The following DOCK3 variants were observed in gnomAD, a reference collection of about 807,000 sequenced individuals.
DOCK3 encodes dedicator of cytokinesis 3, also known as dedicator of cytokinesis protein 3.
Under a neutral mutation model 265.6 loss-of-function variants are expected in DOCK3, and 60 were observed. The observed-to-expected ratio is 0.23, with a 90% confidence interval of 0.18 to 0.28. DOCK3 has a LOEUF of 0.28. Among genes scored for constraint, DOCK3 ranks in the 10% least tolerant of loss-of-function variants. The probability of loss-of-function intolerance (pLI) is 1.00; values close to 1 mark genes in which losing one functional copy is unlikely to be tolerated. For missense variants in DOCK3, 1,981 were observed against 2,594.3 expected (o/e 0.76, Z 5.14); for synonymous variants, 881 against 938.0 (o/e 0.94, Z 1.11).
intron 10 of DOCK3, among the ~76,000 whole-genome samples, chr3:51,146,950 G>C (rs368924195): frequency 3.9e-5 from 6 of 152,102 alleles, no homozygotes; most frequent in African/African-American, 1.4e-4. Flanking sequence ...CCAATCTGTA[G>C]AAACAATTCA....
At chr3:51,039,482 A>G (rs2080396702) in intron 5 of DOCK3, among the ~76,000 whole-genome samples, 1 of 152,064 alleles carries the variant, frequency 6.6e-6, no homozygotes, top group South Asian at 2.1e-4. Flanking sequence ...TCACTCTCCA[A>G]ATTACTGGCT....
intron 1 of DOCK3, among the ~76,000 whole-genome samples, chr3:50,775,670 T>C (rs2041550339): frequency 6.6e-6 from 1 of 152,082 alleles, no homozygotes; most frequent in African/African-American, 2.4e-5. Flanking sequence ...TGATGAAATG[T>C]GAGATTTTAG....
intron 2 of DOCK3, among the ~76,000 whole-genome samples, chr3:50,782,294 T>TTTA (rs1315704861): frequency 3.7e-5 from 5 of 135,632 alleles, no homozygotes; most frequent in Non-Finnish European, 7.9e-5. Context: ...CTGTTATTTT[T>TTTA]TTTTTTTTTT....
At chr3:50,987,549 G>T (rs551318477) in intron 5 of DOCK3, among the ~76,000 whole-genome samples, 1 of 152,170 alleles carries the variant, frequency 6.6e-6, no homozygotes, top group Admixed American at 6.5e-5. Context: ...GGTGGGGGGA[G>T]TGGCCAAGAT....
chr3:50,769,532 C>T (rs987562824), intron 1 of DOCK3, among the ~76,000 whole-genome samples: 5 of 152,014 alleles, frequency 3.3e-5, no homozygotes, highest in African/African-American at 4.8e-5. Context: ...AAGTCTTGGT[C>T]GAGCATGGTG....
intron 9 of DOCK3, among the ~76,000 whole-genome samples, chr3:51,122,836 A>G (rs1471847061): frequency 6.6e-6 from 1 of 152,238 alleles, no homozygotes; most frequent in African/African-American, 2.4e-5. Context: ...ATATGAGGAC[A>G]TAGAGATAGA....
At chr3:51,094,995 CT>C (rs879555974) in intron 9 of DOCK3, among the ~76,000 whole-genome samples, 481 of 139,296 alleles carry the variant, frequency 3.5e-3, no homozygotes, top group Middle Eastern at 3.9e-3. Context: ...TCAACTCCTG[CT>C]TTTTTTTTTT....
At chr3:51,100,608 A>T (rs1020446755) in intron 9 of DOCK3, among the ~76,000 whole-genome samples, 3 of 152,322 alleles carry the variant, frequency 2.0e-5, no homozygotes, top group Non-Finnish European at 4.4e-5. Context: ...CACAGGAGAA[A>T]TGGAGATTAT....
At chr3:50,882,730 C>G (rs1386051104) in intron 3 of DOCK3, among the ~76,000 whole-genome samples, 1 of 152,152 alleles carries the variant, frequency 6.6e-6, no homozygotes. Context: ...GGGTCTAGAA[C>G]TAGAAGTAAC....
chr3:51,358,112 G>A (rs1351443524), intron 46 of DOCK3, 35 bp downstream of exon 46: 18 of 1,601,002 alleles, frequency 1.1e-5, no homozygotes, highest in East Asian at 2.2e-5. Flanking sequence ...TGCTGCAGTA[G>A]AACCAGGTGT....
At chr3:51,281,692 G>A (rs1277876814) in intron 27 of DOCK3, among the ~76,000 whole-genome samples, 1 of 152,170 alleles carries the variant, frequency 6.6e-6, no homozygotes, top group Non-Finnish European at 1.5e-5. Context: ...GGATGATAGT[G>A]TGTATCTAAA....
intron 9 of DOCK3, among the ~76,000 whole-genome samples, chr3:51,099,827 A>G (rs934702086): frequency 1.3e-5 from 2 of 152,212 alleles, no homozygotes; most frequent in East Asian, 1.9e-4. Context: ...AAAGTAAAGC[A>G]TAAGGGAGAT....
rs866148474 is a variant in DOCK3, at chr3:51,119,255, T to C, written c.747-27294T>C. Among the ~76,000 whole-genome samples, 3 of 152,230 alleles carry C rather than the reference T, an allele frequency of 2.0e-5. No homozygotes were observed. In the East Asian group the frequency reaches 5.8e-4, roughly 29 times the overall value. ...GTTTGGCTGGGTATGATATTCTGGG[T>C]TGAAAATTCTTCTCTTTAAGAATGT... On this transcript the variant is annotated intron_variant, in intron 9 of 52. Transcript: ENST00000266037.
At chr3:51,334,276 A>AG (rs1271979284) in intron 35 of DOCK3, among the ~76,000 whole-genome samples, 1 of 152,238 alleles carries the variant, frequency 6.6e-6, no homozygotes, top group African/African-American at 2.4e-5. Context: ...TGATGGCTGA[A>AG]GGTGCCTTTT....
intron 22 of DOCK3, among the ~76,000 whole-genome samples, chr3:51,252,355 G>C (rs1054987182): frequency 6.6e-6 from 1 of 152,118 alleles, no homozygotes; most frequent in Non-Finnish European, 1.5e-5. Flanking sequence ...GCTCTTTCTT[G>C]GTTCCATATG....
intron 52 of DOCK3, 142 bp downstream of exon 52, chr3:51,380,349 A>G: frequency 2.7e-6 from 2 of 746,896 alleles, no homozygotes. Context: ...GGGGGTGGCC[A>G]GAGCCACACT....
chr3:51,332,879 C>T lies in DOCK3; in HGVS notation c.3489-122C>T, dbSNP rs930939205. On this transcript the variant is annotated intron_variant, in intron 33 of 52. Transcript: ENST00000266037. The stretch of plus-strand genomic sequence containing the variant: ...TGCCTAAGGTGGCTGGAGCCGAACC[C>T]CTCCCTCCCCCCACCTCAGTGGCAT... 3.3e-5 allele frequency: 44 copies of T among 1,324,836 alleles called. No homozygotes were observed. The African/African-American group carries it at 5.5e-4, about 17-fold the overall frequency. The allele number at this position is 1,324,836 out of a possible 1,614,324, so 82.1% of individuals were successfully genotyped here.
chr3:50,872,340 G>A (rs576598082), intron 3 of DOCK3, among the ~76,000 whole-genome samples: 1 of 152,360 alleles, frequency 6.6e-6, no homozygotes, highest in South Asian at 2.1e-4. Context: ...AGAATTCTCT[G>A]TATTACCAGA....
rs2042225705 is a variant in DOCK3 at position 50,787,122 on chromosome 3, ATG to A, written c.121+8366_121+8367del. ...CGATTTATTACAGGCAACAAACTAA[ATG>A]TTTTTTTCACAGTCTGTTTGCCGGT... On this transcript the variant is annotated intron_variant, in intron 2 of 52. Transcript: ENST00000266037. The A allele has an allele frequency of 1.0e-4, 72 of 697,526 alleles. No homozygotes were observed. The South Asian group carries it at 1.0e-3, about 10-fold the overall frequency. The allele number at this position is 697,526 out of a possible 1,614,324, so 43.2% of individuals were successfully genotyped here.
Sources: gnomAD v4.1 joint callset for allele counts (sites outside exome capture counted in the v4.1 genomes callset) on GRCh38, gnomAD v4.1.1 for gene constraint, MANE v1.5 for transcripts, NCBI Gene and HGNC (gene_info 2026-07-23, HGNC 2026-07-21) for gene names.